Variants in HIF1AN observed in about 807,000 individuals in gnomAD.
HIF1AN encodes the protein hypoxia-inducible factor 1-alpha inhibitor.
A neutral mutation model predicts 47.7 loss-of-function variants in HIF1AN; 21 were observed. The observed-to-expected ratio is 0.44, with a 90% CI of 0.31 to 0.63. The LOEUF is 0.63. Among genes scored for constraint, HIF1AN ranks in the 30% least tolerant of loss-of-function variants. The pLI, the probability that HIF1AN is intolerant of heterozygous loss-of-function variation, is 0.07. For missense variants in HIF1AN, 320 were observed against 432.7 expected, an observed-to-expected ratio of 0.74 and a Z score of 2.31; for synonymous variants, 152 against 155.9, an observed-to-expected ratio of 0.98 and a Z score of 0.18.
rs1843164493 is a variant in HIF1AN, at chr10:100,551,846, C to T, written c.*3709C>T. On this transcript the variant is annotated 3_prime_UTR_variant, in exon 8 of 8. Transcript: ENST00000299163. ...AGGCCACACTTGTATATCGTGCACC[C>T]TGTGTGGACAAGATTAGGGACTGTT... 1 of 152,176 alleles carries T rather than the reference C, an allele frequency of 6.6e-6. No homozygotes were observed. Among genetic ancestry groups the T allele is most frequent in the African/African-American group, 2.4e-5 (1 of 41,440 alleles). The allele number at this position is 152,176 out of a possible 1,614,324, so 9.4% of individuals were successfully genotyped here.
rs775347601 is a variant in HIF1AN, at chr10:100,536,495, GGAGACTT to G, written c.263_269del (p.Gly88AlafsTer34). On this transcript the variant is annotated frameshift_variant, in exon 2 of 8. Transcript: ENST00000299163. LOFTEE classifies it high-confidence loss of function. ...ATACCTGCAAGAGAATATTGGCAAT[GGAGACTT>G]CTCTGTGTACAGTGCCAGCACCCAC... The G allele has an allele frequency of 6.2e-7, 1 of 1,614,140 alleles. No homozygotes were observed. The highest frequency in any genetic ancestry group is 1.1e-5 in the South Asian group (1 of 91,080).
At position 100,551,423 on chromosome 10, in the gene HIF1AN, C is replaced by T. The variant is rs1843158127; in HGVS notation, c.*3286C>T. On this transcript the variant is annotated 3_prime_UTR_variant, in exon 8 of 8. Transcript: ENST00000299163. Reference sequence around the variant, plus strand: ...TGGGCCAGCCCAGTATGGGGAGACACTCCCTCCCTCTGCCCCCAGAGACTC... The same window carrying T: ...TGGGCCAGCCCAGTATGGGGAGACATTCCCTCCCTCTGCCCCCAGAGACTC... 6.6e-6 allele frequency: 1 copy of T among 152,240 alleles called. No individual in the cohort carries two copies. Among genetic ancestry groups the T allele is most frequent in the Non-Finnish European group, 1.5e-5 (1 of 68,038 alleles). 9.4% of individuals were successfully genotyped at this position (152,240 alleles called of 1,614,324 possible).
chr10:100,552,175 A>C lies in HIF1AN; in HGVS notation c.*4038A>C, dbSNP rs1162014148. ...CCTTTCAAACTTCAAGGACAGTATT[A>C]ATTTATACTAGTATTTCTTCCTCAG... On this transcript the variant is annotated 3_prime_UTR_variant, in exon 8 of 8. Transcript: ENST00000299163. 3 of 152,190 alleles carry C rather than the reference A, an allele frequency of 2.0e-5. No individual in the cohort carries two copies. Among genetic ancestry groups the C allele is most frequent in the African/African-American group, 7.2e-5 (3 of 41,422 alleles). 9.4% of individuals were successfully genotyped at this position (152,190 alleles called of 1,614,324 possible).
rs781232349 is a variant in HIF1AN, at chr10:100,556,961, C to T, written c.*8824C>T. ...GCAGCAAGGCTTTTCTGATCCTACT[C>T]TGACTCTCAAGATAATGGTGCTTGA... On this transcript the variant is annotated 3_prime_UTR_variant, in exon 8 of 8. Coordinates refer to ENST00000299163, the MANE Select transcript of HIF1AN (RefSeq NM_017902.3). The T allele has an allele frequency of 1.3e-5, 2 of 152,230 alleles. No individual in the cohort carries two copies. Among genetic ancestry groups the T allele is most frequent in the African/African-American group, 4.8e-5 (2 of 41,464 alleles). 9.4% of individuals were successfully genotyped at this position (152,230 alleles called of 1,614,324 possible). A position where few individuals can be genotyped will look rare whatever the true frequency, so the allele number is the denominator to read the frequency against.
rs1843145216 is a variant in HIF1AN at position 100,550,338 on chromosome 10, T to G, written c.*2201T>G. On this transcript the variant is annotated 3_prime_UTR_variant, in exon 8 of 8. Coordinates refer to ENST00000299163, the MANE Select transcript of HIF1AN (RefSeq NM_017902.3). ...TCCTGATTTTTAGACACCTAATATGTGCCTAGTGCTTTTCTCTTTGTTCCT... is the reference window on the plus strand; with the variant it reads ...TCCTGATTTTTAGACACCTAATATGGGCCTAGTGCTTTTCTCTTTGTTCCT... 6.6e-6 allele frequency: 1 copy of G among 152,232 alleles called. No homozygotes were observed. The highest frequency in any genetic ancestry group is 2.4e-5 in the African/African-American group (1 of 41,460). The allele number at this position is 152,232 out of a possible 1,614,324, so 9.4% of individuals were successfully genotyped here. A position where few individuals can be genotyped will look rare whatever the true frequency, so the allele number is the denominator to read the frequency against.
chr10:100,536,397 T>C lies in HIF1AN; in HGVS notation c.178-14T>C. 3 of 1,611,768 alleles carry C rather than the reference T, an allele frequency of 1.9e-6. No individual in the cohort carries two copies. The highest frequency in any genetic ancestry group is 2.5e-6 in the Non-Finnish European group (3 of 1,178,456). On this transcript the variant is annotated splice_polypyrimidine_tract_variant and intron_variant, in intron 1 of 7. Coordinates refer to ENST00000299163, the MANE Select transcript of HIF1AN (RefSeq NM_017902.3). ...TACTTCATTTGGTGTTTTTCACCTG[T>C]TGTTTTCATTTAGGAGCCTGTGGTG...
chr10:100,536,664 A>G lies in HIF1AN; in HGVS notation c.428+3A>G, dbSNP rs1852226388. On this transcript the variant is annotated splice_donor_region_variant and intron_variant, in intron 2 of 7. Transcript: ENST00000299163. ...CAGCAGCGAGGAGGGGAAGAGAGGTAAATTCCGAAAGCTTAATTTTCTGTT... is the reference window on the plus strand; with the variant it reads ...CAGCAGCGAGGAGGGGAAGAGAGGTGAATTCCGAAAGCTTAATTTTCTGTT... 6.2e-7 allele frequency: 1 copy of G among 1,613,514 alleles called. No individual in the cohort carries two copies. Among genetic ancestry groups the G allele is most frequent in the South Asian group, 1.1e-5 (1 of 91,062 alleles).
In HIF1AN at chr10:100,549,803, T is replaced by G. The variant is rs1843137490; in HGVS notation, c.*1666T>G. ...TTACTTCCAGCATCTGAGCTCTGGC[T>G]CTCACCCCTGAAGCTCAGTTATAGT... On this transcript the variant is annotated 3_prime_UTR_variant, in exon 8 of 8. Coordinates refer to ENST00000299163, the MANE Select transcript of HIF1AN (RefSeq NM_017902.3). 3 of 151,800 alleles carry G rather than the reference T, an allele frequency of 2.0e-5. 1 individual carries two copies. The South Asian group carries it at 6.3e-4, about 32-fold the overall frequency. 9.4% of individuals were successfully genotyped at this position (151,800 alleles called of 1,614,324 possible).
Position 100,547,268 on chromosome 10 carries a change from G to A in HIF1AN, c.1005+18G>A. 1 of 1,559,016 alleles carries A rather than the reference G, an allele frequency of 6.4e-7. No homozygotes were observed. The highest frequency in any genetic ancestry group is 1.4e-5 in the African/African-American group (1 of 73,944). On this transcript the variant is annotated intron_variant, in intron 7 of 7. Coordinates refer to ENST00000299163, the MANE Select transcript of HIF1AN (RefSeq NM_017902.3). ...CACAAGAGGTAGGTGACTGCCCCAA[G>A]GTGGCTCAGTGGGTGGGTTGACCAA...
intron 5 of HIF1AN, 24 bp from the exon 6 acceptor site, chr10:100,546,494 A>C: frequency 6.3e-7 from 1 of 1,589,608 alleles, no homozygotes; most frequent in East Asian, 2.3e-5. Context: ...AGTAGTAAAC[A>C]GGAGCCTGTT....
chr10:100,541,497 G>T (rs200194532), intron 3 of HIF1AN, among the ~76,000 whole-genome samples: 9 of 151,750 alleles, frequency 5.9e-5, no homozygotes, highest in African/African-American at 1.4e-4. Flanking sequence ...GTTTTTTTTT[G>T]TTGTTGTTGT....
At chr10:100,546,443 A>ACCCCCCCCCCCCTCCCCCCCCCC in intron 5 of HIF1AN, 75 bp from the exon 6 acceptor site, 3 of 454,822 alleles carry the variant, frequency 6.6e-6, no homozygotes, top group South Asian at 4.5e-5. Flanking sequence ...CAACCCTGCC[A>ACCCCCCCCCCCCTCCCCCCCCCC]CCCCCCCGCA....
rs1282050612 is a variant in HIF1AN, at chr10:100,557,756, A to G, written c.*9619A>G. On this transcript the variant is annotated 3_prime_UTR_variant, in exon 8 of 8. Transcript: ENST00000299163. ...ACCACACCTGGCCCTGGATTTCTTA[A>G]TAGGTCCTCTTATGTGGCTATTGAG... 6.6e-6 allele frequency: 1 copy of G among 152,102 alleles called. No individual in the cohort carries two copies. Among genetic ancestry groups the G allele is most frequent in the Non-Finnish European group, 1.5e-5 (1 of 68,042 alleles). 9.4% of individuals were successfully genotyped at this position (152,102 alleles called of 1,614,324 possible). A position where few individuals can be genotyped will look rare whatever the true frequency, so the allele number is the denominator to read the frequency against.
rs1223121276 is a variant in HIF1AN at position 100,553,658 on chromosome 10, A to G, written c.*5521A>G. The G allele has an allele frequency of 6.6e-6, 1 of 152,208 alleles. No homozygotes were observed. The highest frequency in any genetic ancestry group is 2.4e-5 in the African/African-American group (1 of 41,454). 9.4% of individuals were successfully genotyped at this position (152,208 alleles called of 1,614,324 possible). On this transcript the variant is annotated 3_prime_UTR_variant, in exon 8 of 8. Transcript: ENST00000299163. Reference sequence around the variant, plus strand: ...AACTTTCAATGGTAAACAATCTAGGATAGTGTTTAAAGGCATGGATTTTGG... The same window carrying G: ...AACTTTCAATGGTAAACAATCTAGGGTAGTGTTTAAAGGCATGGATTTTGG...
In HIF1AN at chr10:100,556,764, G is replaced by A. The variant is rs540598980; in HGVS notation, c.*8627G>A. 63 of 152,312 alleles carry A rather than the reference G, an allele frequency of 4.1e-4. No homozygotes were observed. Among genetic ancestry groups the A allele is most frequent in the African/African-American group, 1.5e-3 (62 of 41,576 alleles). 9.4% of individuals were successfully genotyped at this position (152,312 alleles called of 1,614,324 possible). ...ACCTTAGGTAAGTCAGTGTCTCTGG[G>A]TCTCAACCTCTTCCTCTGTGAGGGG... On this transcript the variant is annotated 3_prime_UTR_variant, in exon 8 of 8. Transcript: ENST00000299163.
chr10:100,537,643 T>C (rs904862934), intron 2 of HIF1AN, among the ~76,000 whole-genome samples: 2 of 152,224 alleles, frequency 1.3e-5, no homozygotes, highest in African/African-American at 2.4e-5. Flanking sequence ...CGAGACAGTA[T>C]TCAGTCCCAC....
chr10:100,542,273 C>G (rs773251189), intron 3 of HIF1AN, among the ~76,000 whole-genome samples: 5 of 152,288 alleles, frequency 3.3e-5, no homozygotes, highest in African/African-American at 1.2e-4. Context: ...TCTACTAGAT[C>G]TGTCTATATT....
chr10:100,550,864 A>G lies in HIF1AN; in HGVS notation c.*2727A>G, dbSNP rs1192605126. ...CATATTCAGCTGCTGCTTCCCCCCA[A>G]GGAAAAGATGAGGTTTTTCCCCTTC... On this transcript the variant is annotated 3_prime_UTR_variant, in exon 8 of 8. Transcript: ENST00000299163. The G allele has an allele frequency of 1.3e-5, 2 of 152,234 alleles. No homozygotes were observed. Among genetic ancestry groups the G allele is most frequent in the Admixed American group, 6.5e-5 (1 of 15,290 alleles). 9.4% of individuals were successfully genotyped at this position (152,234 alleles called of 1,614,324 possible).
intron 7 of HIF1AN, 65 bp from the exon 8 acceptor site, chr10:100,548,028 C>A: frequency 3.4e-6 from 5 of 1,464,036 alleles, no homozygotes; most frequent in Non-Finnish European, 4.8e-6. Context: ...TCTCCAGACA[C>A]ACCCTGTCCA....
Sources: allele counts gnomAD v4.1 joint callset (sites outside exome capture counted in the v4.1 genomes callset), GRCh38; gene constraint gnomAD v4.1.1; transcripts MANE v1.5; gene names NCBI Gene and HGNC (gene_info 2026-07-23, HGNC 2026-07-21).